MCPH1: variants seen among roughly 807,000 people sequenced by gnomAD.
MCPH1 encodes the protein microcephalin.
MCPH1 carries 104 observed loss-of-function variants against 84.5 expected under a neutral mutation model. The ratio of observed to expected loss-of-function variants is 1.23; its 90% CI spans 1.05 to 1.45. The LOEUF (loss-of-function observed/expected upper bound fraction) is 1.45. MCPH1 is among the 40% of genes most tolerant of loss of function. The pLI, the probability that MCPH1 is intolerant of heterozygous loss-of-function variation, is 0.00. For synonymous variants in MCPH1, 514 were observed against 366.8 expected, an observed-to-expected ratio of 1.40 and a Z score of -4.58; for missense variants, 1,498 against 1,005.7, an observed-to-expected ratio of 1.49 and a Z score of -6.62.
At chr8:6,427,286 C>G (rs1293343823) in intron 3 of MCPH1, among the ~76,000 whole-genome samples, 1 of 152,180 alleles carries the variant, frequency 6.6e-6, no homozygotes, top group African/African-American at 2.4e-5. Context: ...TAGGACATTA[C>G]TACTATACAG....
chr8:6,465,937 A>ATCCATCC (rs1806849726), intron 9 of MCPH1, among the ~76,000 whole-genome samples: 1 of 112,822 alleles, frequency 8.9e-6, no homozygotes, highest in African/African-American at 3.3e-5. Flanking sequence ...CCATCCATCC[A>ATCCATCC]TCCATCCATG....
chr8:6,529,900 A>G (rs1323976941), intron 12 of MCPH1, among the ~76,000 whole-genome samples: 2 of 151,428 alleles, frequency 1.3e-5, no homozygotes, highest in Non-Finnish European at 2.9e-5. Flanking sequence ...TTTAAATCAT[A>G]TGACGCAACA....
chr8:6,577,434 A>C (rs1339148765), intron 12 of MCPH1, among the ~76,000 whole-genome samples: 1 of 152,246 alleles, frequency 6.6e-6, no homozygotes, highest in African/African-American at 2.4e-5. Flanking sequence ...ACACATTCAC[A>C]TATTCTGAAT....
At chr8:6,547,437 A>G (rs550395890) in intron 12 of MCPH1, among the ~76,000 whole-genome samples, 1 of 152,234 alleles carries the variant, frequency 6.6e-6, no homozygotes, top group African/African-American at 2.4e-5. Flanking sequence ...CACTGCCATA[A>G]GTTATAAAAA....
chr8:6,611,646 T>C (rs1563187222), intron 12 of MCPH1, among the ~76,000 whole-genome samples: 4 of 151,868 alleles, frequency 2.6e-5, no homozygotes, highest in African/African-American at 4.8e-5. Context: ...AAAGACATAG[T>C]CTCACTCTGT....
rs776632998 is a variant in MCPH1, at chr8:6,455,153, T to C, written c.1836T>C (p.Asn612=). Residue 612 remains asparagine (N), a synonymous_variant, in exon 9 of 14, where the codon AAT becomes AAC. Transcript: ENST00000344683. ...CCCCTTGGGTTTTAGGTGTTAAAAATAGACCAACAAGGCATGATGTTTTAG... is the reference window on the plus strand; with the variant it reads ...CCCCTTGGGTTTTAGGTGTTAAAAACAGACCAACAAGGCATGATGTTTTAG... ...LPGGYSGSVK[N]RPTRHDVLDD... The C allele has an allele frequency of 1.9e-6, 3 of 1,613,922 alleles. No homozygotes were observed. The Admixed American group carries it at 5.0e-5, about 27-fold the overall frequency.
intron 8 of MCPH1, chr8:6,446,361 C>T: frequency 1.0e-6 from 1 of 984,750 alleles, no homozygotes; most frequent in Non-Finnish European, 1.2e-6. Flanking sequence ...CATGATTTCT[C>T]TGCTCTACAA....
chr8:6,623,033 T>TTTG (rs1831635001), intron 13 of MCPH1, among the ~76,000 whole-genome samples: 1 of 144,460 alleles, frequency 6.9e-6, no homozygotes, highest in African/African-American at 2.7e-5. Context: ...TTTTTTTTTT[T>TTTG]GTAGAGATGG....
intron 12 of MCPH1, among the ~76,000 whole-genome samples, chr8:6,584,192 T>C (rs1378472598): frequency 6.6e-6 from 1 of 152,162 alleles, no homozygotes; most frequent in African/African-American, 2.4e-5. Context: ...TCAAAATCAA[T>C]ACACACTTTA....
At chr8:6,468,271 G>A (rs1807243587) in intron 9 of MCPH1, among the ~76,000 whole-genome samples, 1 of 152,138 alleles carries the variant, frequency 6.6e-6, no homozygotes, top group Non-Finnish European at 1.5e-5. Flanking sequence ...TTTGTTTGGG[G>A]AAGGGGGATG....
rs117753549 is a variant in MCPH1, at chr8:6,543,387, T to A, written c.2214+43458T>A. On this transcript the variant is annotated intron_variant, in intron 12 of 13. Transcript: ENST00000344683. ...CTCGTCTCCTGCCTGGACACCCTTC[T>A]CTCTGTGCTTTCCTGGGTTAGAGTA... Among the ~76,000 whole-genome samples the A allele has an allele frequency of 1.2e-4, 19 of 152,258 alleles. No individual in the cohort carries two copies. The East Asian group carries it at 3.7e-3, about 29-fold the overall frequency.
Position 6,645,050 on chromosome 8 carries a change from C to A in MCPH1, c.*2001C>A, listed in dbSNP as rs1343336555. 1 of 152,256 alleles carries A rather than the reference C, an allele frequency of 6.6e-6. No homozygotes were observed. The highest frequency in any genetic ancestry group is 1.5e-5 in the Non-Finnish European group (1 of 68,048). 9.4% of individuals were successfully genotyped at this position (152,256 alleles called of 1,614,324 possible). ...ATGTTTCTCTATAACCACAAGCATC[C>A]TGGCTTGGTAGTGCTCCCACAGCAC... On this transcript the variant is annotated 3_prime_UTR_variant, in exon 14 of 14. Transcript: ENST00000344683.
intron 13 of MCPH1, chr8:6,626,029 C>T (rs1832042055): frequency 2.0e-6 from 2 of 985,330 alleles, no homozygotes; most frequent in Non-Finnish European, 2.4e-6. Flanking sequence ...CTGCAGCATC[C>T]GAGCACCACA....
chr8:6,614,539 T>C (rs1586806220), intron 12 of MCPH1, among the ~76,000 whole-genome samples: 1 of 152,174 alleles, frequency 6.6e-6, no homozygotes, highest in Non-Finnish European at 1.5e-5. Flanking sequence ...GCTTGGTGGG[T>C]GGTCTTTCTA....
chr8:6,489,016 G>A lies in MCPH1; in HGVS notation c.2136+8140G>A, dbSNP rs539596920. Among the ~76,000 whole-genome samples, 59 of 152,156 alleles carry A rather than the reference G, an allele frequency of 3.9e-4. 1 individual carries two copies. The South Asian group carries it at 0.012, about 31-fold the overall frequency. ...TCCCACCCAAATTTTTTCCTGGGGC[G>A]ACTAACTATAGATAATGGTGCCATT... On this transcript the variant is annotated intron_variant, in intron 11 of 13. Coordinates refer to ENST00000344683, the MANE Select transcript of MCPH1 (RefSeq NM_024596.5).
intron 4 of MCPH1, 73 bp downstream of exon 4, chr8:6,431,659 TA>T: frequency 9.9e-7 from 1 of 1,014,700 alleles, no homozygotes; most frequent in Non-Finnish European, 1.5e-6. Context: ...TTCTAGAAAA[TA>T]AAACTTCTAG....
At chr8:6,568,925 A>G (rs1331818640) in intron 12 of MCPH1, among the ~76,000 whole-genome samples, 3 of 152,200 alleles carry the variant, frequency 2.0e-5, no homozygotes, top group Admixed American at 2.0e-4. Flanking sequence ...CACGGCTGAA[A>G]CAGTCTAAAA....
chr8:6,602,957 G>A (rs185592806), intron 12 of MCPH1, among the ~76,000 whole-genome samples: 253 of 151,920 alleles, frequency 1.7e-3, no homozygotes, highest in Non-Finnish European at 2.7e-3. Context: ...GTACATAGGC[G>A]CATGTGTGTG....
At chr8:6,626,591 T>C (rs757570436) in intron 13 of MCPH1, 21 of 984,936 alleles carry the variant, frequency 2.1e-5, no homozygotes, top group Non-Finnish European at 2.4e-5. Context: ...AATGTTACCT[T>C]TACCTGATAT....
Sources: gnomAD v4.1 joint callset for allele counts (sites outside exome capture counted in the v4.1 genomes callset) on GRCh38, gnomAD v4.1.1 for gene constraint, MANE v1.5 for transcripts, NCBI Gene and HGNC (gene_info 2026-07-23, HGNC 2026-07-21) for gene names.